KHDRBS2: variants seen among roughly 807,000 people sequenced by gnomAD.
KHDRBS2 encodes KH domain-containing, RNA-binding, signal transduction-associated protein 2.
In KHDRBS2, 26 loss-of-function variants were observed where a neutral mutation model predicts 44.3. The observed-to-expected ratio is 0.59, with a 90% CI of 0.43 to 0.81. The LOEUF is 0.81. Among genes scored for constraint, KHDRBS2 ranks in the 40% least tolerant of loss-of-function variants. The pLI is 0.00. For missense variants in KHDRBS2, 476 were observed against 433.1 expected (o/e 1.10, Z -0.88); for synonymous variants, 194 against 151.1 (o/e 1.28, Z -2.08).
intron 6 of KHDRBS2, among the ~76,000 whole-genome samples, chr6:61,744,928 A>G (rs1776654359): frequency 6.6e-6 from 1 of 152,136 alleles, no homozygotes; most frequent in South Asian, 2.1e-4. Context: ...GAAACTTTCA[A>G]ATCTGTTTTC....
At chr6:62,003,189 G>C (rs1361630946) in intron 3 of KHDRBS2, among the ~76,000 whole-genome samples, 1 of 152,134 alleles carries the variant, frequency 6.6e-6, no homozygotes, top group East Asian at 1.9e-4. Context: ...TGAGGTGGGA[G>C]GATGACTTGA....
intron 6 of KHDRBS2, among the ~76,000 whole-genome samples, chr6:61,776,963 A>G (rs529466038): frequency 3.9e-4 from 60 of 152,328 alleles, no homozygotes; most frequent in African/African-American, 1.3e-3. Flanking sequence ...CAGCCATAAA[A>G]ATTGATGAGT....
the KHDRBS2 span, among the ~76,000 whole-genome samples, chr6:61,666,990 G>GGT: frequency 1.3e-5 from 1 of 74,288 alleles, no homozygotes; most frequent in Non-Finnish European, 3.2e-5. Flanking sequence ...AAACCTTCTG[G>GGT]GTTTTTTTTT....
chr6:62,216,557 C>T (rs945171627), intron 1 of KHDRBS2, among the ~76,000 whole-genome samples: 11 of 151,536 alleles, frequency 7.3e-5, no homozygotes, highest in African/African-American at 2.4e-4. Context: ...CTAAATGTCT[C>T]TGTGAAAGTG....
chr6:62,124,485 T>C (rs533516770), intron 2 of KHDRBS2, among the ~76,000 whole-genome samples: 20 of 152,062 alleles, frequency 1.3e-4, no homozygotes, highest in Non-Finnish European at 2.6e-4. Flanking sequence ...TTGTGTCTTA[T>C]TAACATATTT....
chr6:61,833,682 C>T (rs1792192539), intron 6 of KHDRBS2, among the ~76,000 whole-genome samples: 1 of 152,070 alleles, frequency 6.6e-6, no homozygotes, highest in African/African-American at 2.4e-5. Flanking sequence ...AAAAGCTCTT[C>T]CAAGGGCAAA....
At chr6:61,890,740 C>T (rs1192043178) in intron 6 of KHDRBS2, among the ~76,000 whole-genome samples, 1 of 152,188 alleles carries the variant, frequency 6.6e-6, no homozygotes, top group African/African-American at 2.4e-5. Context: ...TTTTCACATA[C>T]TATGTCTCTG....
chr6:61,979,533 T>C (rs1220707361), intron 3 of KHDRBS2, among the ~76,000 whole-genome samples: 1 of 152,132 alleles, frequency 6.6e-6, no homozygotes, highest in Admixed American at 6.6e-5. Context: ...TTTTAAAAGA[T>C]GAAGGATCCA....
rs375338754 is a variant in KHDRBS2 at position 61,918,033 on chromosome 6, T to G, written c.484-16662A>C. Among the ~76,000 whole-genome samples, 33 of 152,050 alleles carry G rather than the reference T, an allele frequency of 2.2e-4. No individual in the cohort carries two copies. In the Middle Eastern group the frequency reaches 0.01, roughly 47 times the overall value. ...AGTGCATCTAAACAGACCAAAGTCA[T>G]CTTTATGGCGCATCGGCGAATGATG... On this transcript the variant is annotated intron_variant, in intron 4 of 8. Coordinates refer to ENST00000281156, the MANE Select transcript of KHDRBS2 (RefSeq NM_152688.4).
intron 6 of KHDRBS2, among the ~76,000 whole-genome samples, chr6:61,845,761 T>G (rs1442083308): frequency 2.0e-5 from 3 of 152,212 alleles, no homozygotes; most frequent in Non-Finnish European, 4.4e-5. Flanking sequence ...TATACACCAT[T>G]CTTTCCAAAG....
chr6:61,920,251 G>C (rs1807816427), intron 4 of KHDRBS2, among the ~76,000 whole-genome samples: 1 of 151,780 alleles, frequency 6.6e-6, no homozygotes, highest in Non-Finnish European at 1.5e-5. Context: ...GACACTTTGT[G>C]GCTTACCGTG....
At chr6:61,978,972 A>T (rs75336705) in intron 3 of KHDRBS2, among the ~76,000 whole-genome samples, 1,638 of 152,200 alleles carry the variant, frequency 0.011, 12 homozygotes, top group Non-Finnish European at 0.017. Context: ...GCACCAACCT[A>T]ATACATTTCT....
intron 6 of KHDRBS2, among the ~76,000 whole-genome samples, chr6:61,832,984 T>A (rs1481704163): frequency 6.6e-6 from 1 of 152,364 alleles, no homozygotes; most frequent in East Asian, 1.9e-4. Context: ...AAAACCTTAA[T>A]AGAATACAAA....
At chr6:62,009,631 G>A (rs1421856226) in intron 3 of KHDRBS2, among the ~76,000 whole-genome samples, 1 of 152,174 alleles carries the variant, frequency 6.6e-6, no homozygotes, top group Non-Finnish European at 1.5e-5. Context: ...GCCAGGCCCA[G>A]GGTCCCCAAG....
chr6:61,627,823 G>A, the KHDRBS2 span, among the ~76,000 whole-genome samples: 4 of 152,092 alleles, frequency 2.6e-5, no homozygotes. Context: ...ATTTTCTGAA[G>A]TATTAATATA....
chr6:62,193,140 G>A (rs1472856170), intron 1 of KHDRBS2, among the ~76,000 whole-genome samples: 2 of 151,870 alleles, frequency 1.3e-5, no homozygotes, highest in African/African-American at 2.4e-5. Flanking sequence ...TATGTATATA[G>A]GTATGTGTAT....
chr6:61,983,180 A>C (rs1774231311), intron 3 of KHDRBS2, among the ~76,000 whole-genome samples: 1 of 77,000 alleles, frequency 1.3e-5, no homozygotes, highest in African/African-American at 5.4e-5. Flanking sequence ...GGCAATTTTG[A>C]GTAATTAAAG....
In KHDRBS2 at chr6:61,697,131, G is replaced by A. The variant is rs746876114; in HGVS notation, c.952+64C>T. ...CTAGGGGGAGAAAGATGGAAATAAT[G>A]TTTGAATTGTCGGTGACTGATGGAT... is the stretch of plus-strand genomic sequence containing the variant. On this transcript the variant is annotated intron_variant, in intron 8 of 8. Transcript: ENST00000281156. 35 of 1,035,690 alleles carry A rather than the reference G, an allele frequency of 3.4e-5. No homozygotes were observed. The East Asian group carries it at 5.7e-4, about 17-fold the overall frequency. The allele number at this position is 1,035,690 out of a possible 1,614,324, so 64.2% of individuals were successfully genotyped here. A position where few individuals can be genotyped will look rare whatever the true frequency, so the allele number is the denominator to read the frequency against.
intron 7 of KHDRBS2, among the ~76,000 whole-genome samples, chr6:61,706,886 T>C (rs1769655077): frequency 1.3e-5 from 2 of 151,604 alleles, no homozygotes; most frequent in Non-Finnish European, 2.9e-5. Flanking sequence ...TAGGCAAAGA[T>C]TATTTGCCCT....
Sources: gnomAD v4.1 joint callset for allele counts (sites outside exome capture counted in the v4.1 genomes callset) on GRCh38, gnomAD v4.1.1 for gene constraint, MANE v1.5 for transcripts, NCBI Gene and HGNC (gene_info 2026-07-23, HGNC 2026-07-21) for gene names.